LIPG: variants seen among roughly 807,000 people sequenced by gnomAD.
LIPG encodes lipase G, endothelial type.
A neutral mutation model predicts 51.8 loss-of-function variants in LIPG; 34 were observed. The observed-to-expected ratio is 0.66, with a 90% confidence interval of 0.50 to 0.87. The LOEUF is 0.87. Ranked by LOEUF, LIPG falls within the 40% of genes least tolerant of loss-of-function variation. The pLI is 0.00. For missense variants in LIPG, 580 were observed against 652.7 expected (o/e 0.89, Z 1.21); for synonymous variants, 246 against 246.1 (o/e 1.00, Z 0.00).
Position 49,562,079 on chromosome 18 carries a change from G to C in LIPG, c.-230G>C. The stretch of plus-strand genomic sequence containing the variant: ...GACAGCAGCGAGTCCTTGCCTCCCG[G>C]CGGCTCAGGACGAGGGCAGATCTCG... On this transcript the variant is annotated 5_prime_UTR_variant, in exon 1 of 10. Transcript: ENST00000261292. 1 of 1,440,492 alleles carries C rather than the reference G, an allele frequency of 6.9e-7. No homozygotes were observed. Among genetic ancestry groups the C allele is most frequent in the Non-Finnish European group, 9.0e-7 (1 of 1,105,110 alleles). The allele number at this position is 1,440,492 out of a possible 1,614,324, so 89.2% of individuals were successfully genotyped here.
At chr18:49,563,547 AAGAC>A (rs140680274) in intron 1 of LIPG, among the ~76,000 whole-genome samples, 1,866 of 151,988 alleles carry the variant, frequency 0.012, 34 homozygotes, top group African/African-American at 0.043. Flanking sequence ...CAGTGGTGGG[AAGAC>A]AGACAGTGCA....
At chr18:49,578,672 G>A (rs1195536758) in intron 5 of LIPG, among the ~76,000 whole-genome samples, 14 of 150,170 alleles carry the variant, frequency 9.3e-5, no homozygotes, top group African/African-American at 2.4e-4. Context: ...CAAGGCAGGC[G>A]GCTGGGAGGT....
chr18:49,575,329 C>T lies in LIPG; in HGVS notation c.572-40C>T, dbSNP rs766999391. 31 of 1,568,716 alleles carry T rather than the reference C, an allele frequency of 2.0e-5. No homozygotes were observed. In the African/African-American group the frequency reaches 3.9e-4, roughly 20 times the overall value. ...AATCAGGACTCACTGACCAGGTGCACCTGACACCACAGCTGTTTTGGGGCC... is the reference window on the plus strand; with the variant it reads ...AATCAGGACTCACTGACCAGGTGCATCTGACACCACAGCTGTTTTGGGGCC... On this transcript the variant is annotated intron_variant, in intron 4 of 9. Coordinates refer to ENST00000261292, the MANE Select transcript of LIPG (RefSeq NM_006033.4).
chr18:49,587,294 G>C (rs1391484321), intron 9 of LIPG, among the ~76,000 whole-genome samples: 1 of 151,660 alleles, frequency 6.6e-6, no homozygotes, highest in Non-Finnish European at 1.5e-5. Flanking sequence ...GAAAGGGCCA[G>C]GCATGGAGGC....
intron 5 of LIPG, 151 bp downstream of exon 5, chr18:49,575,741 T>C: frequency 1.4e-6 from 1 of 732,028 alleles, no homozygotes. Context: ...TATTTCTCAT[T>C]GTTCCCCAAG....
intron 9 of LIPG, chr18:49,590,268 G>C: frequency 1.6e-6 from 1 of 637,584 alleles, no homozygotes; most frequent in Non-Finnish European, 2.9e-6. Flanking sequence ...TCAGGGTCCA[G>C]AGGGTGCTGC....
chr18:49,584,258 C>T (rs2084859577), intron 8 of LIPG, among the ~76,000 whole-genome samples: 1 of 152,230 alleles, frequency 6.6e-6, no homozygotes, highest in Non-Finnish European at 1.5e-5. Context: ...ATTATTCTCT[C>T]TCCTTCAGAG....
chr18:49,577,124 G>C (rs1317218159), intron 5 of LIPG, among the ~76,000 whole-genome samples: 4 of 144,690 alleles, frequency 2.8e-5, no homozygotes, highest in African/African-American at 5.2e-5. Flanking sequence ...ATAAACAAGT[G>C]AACAAAGGTC....
upstream of LIPG, chr18:49,561,500 C>G (rs2084549025): frequency 2.4e-6 from 1 of 416,454 alleles, no homozygotes; most frequent in East Asian, 3.6e-5. Context: ...AGCTCACAGC[C>G]CCTTAGCTCC....
chr18:49,584,411 C>T (rs187057784), intron 8 of LIPG, among the ~76,000 whole-genome samples: 11 of 152,276 alleles, frequency 7.2e-5, no homozygotes, highest in South Asian at 4.1e-4. Flanking sequence ...CTCCTAACAC[C>T]GTGCCTGGAC....
At chr18:49,569,639 T>C in intron 4 of LIPG, 91 bp downstream of exon 4, 1 of 1,056,286 alleles carries the variant, frequency 9.5e-7, no homozygotes, top group Non-Finnish European at 1.4e-6. Flanking sequence ...CATAGAAAGT[T>C]AGCTTTGGAA....
At chr18:49,573,977 C>T (rs1020468071) in intron 4 of LIPG, among the ~76,000 whole-genome samples, 5 of 152,152 alleles carry the variant, frequency 3.3e-5, no homozygotes, top group African/African-American at 1.2e-4. Context: ...CTGGCCTGGC[C>T]CTGCTAGATG....
rs770935788 is a variant in LIPG at position 49,567,494 on chromosome 18, CAA to C, written c.333_334del (p.Lys114ArgfsTer8). ...CACAAACTCGTGTCAGCCCTGCACACAAGAGAGAAAGACGCCAATGTAGTTGT... is the reference window on the plus strand; with the variant it reads ...CACAAACTCGTGTCAGCCCTGCACACGAGAGAAAGACGCCAATGTAGTTGT... On this transcript the variant is annotated frameshift_variant, in exon 3 of 10. Transcript: ENST00000261292. LOFTEE classifies it high-confidence loss of function. 1.2e-6 allele frequency: 2 copies of C among 1,613,968 alleles called. No individual in the cohort carries two copies. Among genetic ancestry groups the C allele is most frequent in the South Asian group, 2.2e-5 (2 of 91,080 alleles).
chr18:49,583,156 C>T (rs2084841560), intron 7 of LIPG, among the ~76,000 whole-genome samples: 1 of 152,182 alleles, frequency 6.6e-6, no homozygotes, highest in African/African-American at 2.4e-5. Flanking sequence ...TCCCCAGCAT[C>T]TGATTTTCAG....
In LIPG at chr18:49,597,758, C is replaced by A. The variant is rs1431190027; in HGVS notation, c.*7236C>A. ...CACGCTATGTGGTTTAATACCTTCA[C>A]CAGAGGCAAATGGTTTTGGACTCAC... On this transcript the variant is annotated 3_prime_UTR_variant, in exon 10 of 10. Coordinates refer to ENST00000261292, the MANE Select transcript of LIPG (RefSeq NM_006033.4). The A allele has an allele frequency of 6.6e-6, 1 of 152,220 alleles. No individual in the cohort carries two copies. The highest frequency in any genetic ancestry group is 1.9e-4 in the East Asian group (1 of 5,192). The allele number at this position is 152,220 out of a possible 1,614,324, so 9.4% of individuals were successfully genotyped here. A position where few individuals can be genotyped will look rare whatever the true frequency, so the allele number is the denominator to read the frequency against.
At chr18:49,562,044 A>G (rs879494943), upstream of LIPG, 51 of 1,438,360 alleles carry the variant, frequency 3.5e-5, no homozygotes, top group Non-Finnish European at 4.6e-5. Context: ...AACTACCTCT[A>G]TAGGAGCGTG....
chr18:49,586,484 G>C (rs2084881271), intron 8 of LIPG, among the ~76,000 whole-genome samples: 1 of 128,316 alleles, frequency 7.8e-6, no homozygotes, highest in South Asian at 2.7e-4. Context: ...GCCTTGAGAG[G>C]CAGGTGGCCT....
chr18:49,590,493 T>C lies in LIPG; in HGVS notation c.1482-8T>C. The C allele has an allele frequency of 6.2e-7, 1 of 1,601,928 alleles. No homozygotes were observed. The highest frequency in any genetic ancestry group is 8.5e-7 in the Non-Finnish European group (1 of 1,172,980). ...TAACAAATGCCACTCTCACACGGTT[T>C]CTTTCAGTCCCACTGTGGAGCTTCC... On this transcript the variant is annotated splice_polypyrimidine_tract_variant and splice_region_variant and intron_variant, in intron 9 of 9. Coordinates refer to ENST00000261292, the MANE Select transcript of LIPG (RefSeq NM_006033.4).
chr18:49,585,554 G>A (rs2084871817), intron 8 of LIPG, among the ~76,000 whole-genome samples: 1 of 152,164 alleles, frequency 6.6e-6, no homozygotes, highest in Non-Finnish European at 1.5e-5. Context: ...TGCACAAATA[G>A]TTTTGCCATT....
Sources: gnomAD v4.1 joint callset for allele counts (sites outside exome capture counted in the v4.1 genomes callset) on GRCh38, gnomAD v4.1.1 for gene constraint, MANE v1.5 for transcripts, NCBI Gene and HGNC (gene_info 2026-07-23, HGNC 2026-07-21) for gene names.